Variants in UBAC2 observed in about 807,000 individuals in gnomAD.
UBAC2 encodes the protein ubiquitin-associated domain-containing protein 2.
Under a neutral mutation model 44.0 loss-of-function variants are expected in UBAC2, and 26 were observed. The ratio of observed to expected loss-of-function variants is 0.59; its 90% CI spans 0.43 to 0.82. The LOEUF is 0.82. Ranked by LOEUF, UBAC2 falls within the 40% of genes least tolerant of loss-of-function variation. The pLI is 0.00. For missense variants in UBAC2, 329 were observed against 419.4 expected, an observed-to-expected ratio of 0.78 and a Z score of 1.88; for synonymous variants, 155 against 154.3, an observed-to-expected ratio of 1.00 and a Z score of -0.04.
chr13:99,318,684 G>T (rs1209616160), intron 6 of UBAC2, among the ~76,000 whole-genome samples: 1 of 151,420 alleles, frequency 6.6e-6, no homozygotes, highest in African/African-American at 2.4e-5. Flanking sequence ...TGCTGGGCGT[G>T]GTGGCAGGCG....
intron 4 of UBAC2, among the ~76,000 whole-genome samples, 192 bp from the exon 5 acceptor site, chr13:99,313,905 T>A (rs2044449285): frequency 6.6e-6 from 1 of 152,220 alleles, no homozygotes; most frequent in Non-Finnish European, 1.5e-5. Flanking sequence ...ATAGAATGAT[T>A]AGAGTTTTCA....
intron 4 of UBAC2, among the ~76,000 whole-genome samples, chr13:99,252,382 G>A (rs1373318282): frequency 6.6e-6 from 1 of 152,244 alleles, no homozygotes; most frequent in African/African-American, 2.4e-5. Context: ...ATGTTGAAGA[G>A]CAAGCAAGCC....
chr13:99,237,254 GTA>G lies in UBAC2; in HGVS notation c.32-1156_32-1155del, dbSNP rs142568689. On this transcript the variant is annotated intron_variant, in intron 1 of 8. Coordinates refer to ENST00000403766, the MANE Select transcript of UBAC2 (RefSeq NM_001144072.2). ...ATGATAGATAAAGAAAATTTTATGC[GTA>G]TATATATATATATATACACACACAC... 4.0e-3 allele frequency among the ~76,000 whole-genome samples: 541 copies of G among 136,462 alleles called. 3 individuals carry two copies. The highest frequency in any genetic ancestry group is 8.5e-3 in the African/African-American group (322 of 37,772). 89.5% of individuals were successfully genotyped at this position (136,462 alleles called of 152,430 possible).
intron 1 of UBAC2, among the ~76,000 whole-genome samples, chr13:99,217,644 G>A (rs2043012362): frequency 1.3e-5 from 2 of 152,198 alleles, no homozygotes; most frequent in South Asian, 2.1e-4. Flanking sequence ...TCTCAGCTGC[G>A]CTGATGGGTG....
intron 7 of UBAC2, among the ~76,000 whole-genome samples, chr13:99,366,870 T>TA (rs1424591460): frequency 1.3e-5 from 2 of 152,202 alleles, no homozygotes; most frequent in Non-Finnish European, 2.9e-5. Context: ...CAACTCCACT[T>TA]ACTTCTTTCA....
rs145902748 is a variant in UBAC2, at chr13:99,286,530, G to T, written c.390-27567G>T. ...TTTTTCCCACTTTTAGGTTCGGGGG[G>T]TACATATGCAGGTTTATTACATGGG... On this transcript the variant is annotated intron_variant, in intron 4 of 8. Coordinates refer to ENST00000403766, the MANE Select transcript of UBAC2 (RefSeq NM_001144072.2). 5.1e-3 allele frequency among the ~76,000 whole-genome samples: 767 copies of T among 151,674 alleles called. 7 individuals are homozygous for T. The highest frequency in any genetic ancestry group is 8.8e-3 in the Non-Finnish European group (601 of 67,934).
rs2042786665 is a variant in UBAC2 at position 99,200,937 on chromosome 13, T to G, written c.29T>G (p.Leu10Arg). Residue 10 changes from leucine to arginine, a missense_variant and splice_region_variant, in exon 1 of 9, where the codon CTC (leucine) becomes CGC (arginine). Coordinates refer to ENST00000403766, the MANE Select transcript of UBAC2 (RefSeq NM_001144072.2). ...TTCACCAGCACCGGCTCCAGTGGGC[T>G]CTGTGAGTACCGGCCTCCGCCATCC... MFTSTGSSG[L>R]YKAPLSKSLL... 1 of 1,308,732 alleles carries G rather than the reference T, an allele frequency of 7.6e-7. No individual in the cohort carries two copies. 81.1% of individuals were successfully genotyped at this position (1,308,732 alleles called of 1,614,324 possible).
chr13:99,246,886 A>G (rs2043390218), intron 4 of UBAC2, among the ~76,000 whole-genome samples: 1 of 152,234 alleles, frequency 6.6e-6, no homozygotes, highest in Admixed American at 6.5e-5. Context: ...GTCACAAAAC[A>G]TTATATAGTA....
At chr13:99,325,072 G>C (rs1311283614) in intron 6 of UBAC2, among the ~76,000 whole-genome samples, 2 of 150,394 alleles carry the variant, frequency 1.3e-5, no homozygotes, top group Admixed American at 6.6e-5. Flanking sequence ...TTCAAATGTA[G>C]GTAGCATAAC....
chr13:99,366,872 C>T (rs1164430190), intron 7 of UBAC2, among the ~76,000 whole-genome samples: 1 of 152,112 alleles, frequency 6.6e-6, no homozygotes. Context: ...ACTCCACTTA[C>T]TTCTTTCATA....
intron 1 of UBAC2, among the ~76,000 whole-genome samples, chr13:99,236,418 T>C (rs2043233316): frequency 6.6e-6 from 1 of 152,170 alleles, no homozygotes; most frequent in South Asian, 2.1e-4. Flanking sequence ...GAATAGACAT[T>C]CTCAAAAGAA....
chr13:99,306,641 G>A (rs1399409788), intron 4 of UBAC2, among the ~76,000 whole-genome samples: 1 of 152,010 alleles, frequency 6.6e-6, no homozygotes, highest in Admixed American at 6.6e-5. Flanking sequence ...CATAAATGTT[G>A]CCAAAGCACT....
chr13:99,316,005 T>C (rs914864635), intron 5 of UBAC2, among the ~76,000 whole-genome samples: 9 of 152,012 alleles, frequency 5.9e-5, no homozygotes, highest in Middle Eastern at 6.8e-3. Context: ...CTAGTGCCGT[T>C]TCCACAGTGT....
intron 5 of UBAC2, among the ~76,000 whole-genome samples, chr13:99,315,965 A>G (rs1196944504): frequency 6.6e-6 from 1 of 151,350 alleles, no homozygotes; most frequent in Non-Finnish European, 1.5e-5. Flanking sequence ...TAAGGCAAAA[A>G]CTGCAGTTAC....
chr13:99,306,511 GC>G (rs2044338404), intron 4 of UBAC2, among the ~76,000 whole-genome samples: 1 of 151,320 alleles, frequency 6.6e-6, no homozygotes, highest in South Asian at 2.1e-4. Context: ...AAAATACCAC[GC>G]CCCCCTCCCC....
chr13:99,365,649 G>A (rs1224107840), intron 7 of UBAC2, among the ~76,000 whole-genome samples: 1 of 151,650 alleles, frequency 6.6e-6, no homozygotes. Context: ...TTATGATTTG[G>A]TATTTGTGAA....
In UBAC2 at chr13:99,385,860, C is replaced by T. The variant is rs886483509; in HGVS notation, c.*525C>T. The T allele has an allele frequency of 6.9e-5, 11 of 158,992 alleles. No individual in the cohort carries two copies. The highest frequency in any genetic ancestry group is 6.5e-4 in the Admixed American group (11 of 16,844). 9.8% of individuals were successfully genotyped at this position (158,992 alleles called of 1,614,324 possible). A position where few individuals can be genotyped will look rare whatever the true frequency, so the allele number is the denominator to read the frequency against. ...GAATCCTCCCCCAAGCTGTTCCAGG[C>T]CAGAGGACTCTGCAGTACCTTCTCC... is the stretch of plus-strand genomic sequence containing the variant. On this transcript the variant is annotated 3_prime_UTR_variant, in exon 9 of 9. Coordinates refer to ENST00000403766, the MANE Select transcript of UBAC2 (RefSeq NM_001144072.2).
At chr13:99,356,925 T>G (rs2045193869) in intron 7 of UBAC2, among the ~76,000 whole-genome samples, 1 of 152,202 alleles carries the variant, frequency 6.6e-6, no homozygotes, top group Non-Finnish European at 1.5e-5. Flanking sequence ...TTTTCTTTTT[T>G]TGGGCTTTGT....
At position 99,201,635 on chromosome 13, in the gene UBAC2, C is replaced by T. The variant is rs201680506; in HGVS notation, c.31+696C>T. 146 of 1,566,554 alleles carry T rather than the reference C, an allele frequency of 9.3e-5. No homozygotes were observed. In the East Asian group the frequency reaches 3.3e-3, roughly 35 times the overall value. ...TCACTGAGTGTGTGGAATTGACTTT[C>T]GGTAAGGTAGACTGCGTGTTAACAG... On this transcript the variant is annotated intron_variant, in intron 1 of 8. Transcript: ENST00000403766.
Sources: allele counts gnomAD v4.1 joint callset (sites outside exome capture counted in the v4.1 genomes callset), GRCh38; gene constraint gnomAD v4.1.1; transcripts MANE v1.5; gene names NCBI Gene and HGNC (gene_info 2026-07-23, HGNC 2026-07-21).